The following SPATA3 variants were observed in gnomAD, a reference collection of about 807,000 sequenced individuals.
SPATA3 encodes the protein spermatogenesis-associated protein 3.
A neutral mutation model predicts 5.7 loss-of-function variants in SPATA3; 6 were observed. The observed-to-expected ratio is 1.06, with a 90% CI of 0.58 to 2.09. The LOEUF (loss-of-function observed/expected upper bound fraction) is 2.09. Ranked by LOEUF, SPATA3 falls within the 30% of genes most tolerant of loss-of-function variation. The pLI is 0.00. For synonymous variants in SPATA3, 44 were observed against 48.4 expected, an observed-to-expected ratio of 0.91 and a Z score of 0.37; for missense variants, 155 against 130.4, an observed-to-expected ratio of 1.19 and a Z score of -0.92.
At chr2:231,015,738 C>T (rs1357296831) in intron 6 of SPATA3, among the ~76,000 whole-genome samples, 1 of 152,252 alleles carries the variant, frequency 6.6e-6, no homozygotes, top group Non-Finnish European at 1.5e-5. Context: ...TTCTCTTCTT[C>T]CCCTTGCATT....
intron 4 of SPATA3, chr2:231,012,579 G>A (rs1417988335): frequency 2.0e-5 from 3 of 152,314 alleles, no homozygotes; most frequent in African/African-American, 7.2e-5. Flanking sequence ...TCCATTCTGT[G>A]TGTCTGGTAG....
chr2:231,015,433 G>T (rs916406518), intron 6 of SPATA3, among the ~76,000 whole-genome samples: 1 of 152,130 alleles, frequency 6.6e-6, no homozygotes, highest in African/African-American at 2.4e-5. Context: ...GGTGTGGGTG[G>T]TGAGGCATAG....
At chr2:231,008,908 C>CAG (rs1692710571), downstream of SPATA3, among the ~76,000 whole-genome samples, 1 of 152,162 alleles carries the variant, frequency 6.6e-6, no homozygotes, top group Non-Finnish European at 1.5e-5. Flanking sequence ...GCAACAGCTC[C>CAG]CAGCCTACAG....
downstream of SPATA3, among the ~76,000 whole-genome samples, chr2:231,009,727 C>A (rs977562984): frequency 2.0e-5 from 3 of 152,244 alleles, no homozygotes; most frequent in African/African-American, 7.2e-5. Flanking sequence ...GTTGACACAT[C>A]CGCTACTCTG....
downstream of SPATA3, among the ~76,000 whole-genome samples, chr2:231,012,128 G>A (rs1202539443): frequency 2.0e-5 from 3 of 152,236 alleles, no homozygotes; most frequent in Admixed American, 2.0e-4. Flanking sequence ...CCAGCGGCAA[G>A]AAGGAAAGTG....
intron 2 of SPATA3, among the ~76,000 whole-genome samples, chr2:231,000,854 C>T (rs1692328065): frequency 6.6e-6 from 1 of 152,226 alleles, no homozygotes; most frequent in Non-Finnish European, 1.5e-5. Context: ...CTCTCCCCCT[C>T]AGCCCTTCAC....
downstream of SPATA3, among the ~76,000 whole-genome samples, chr2:231,005,095 C>CA: frequency 1.8e-5 from 1 of 55,962 alleles, no homozygotes; most frequent in Non-Finnish European, 3.7e-5. Flanking sequence ...CCATCACCAT[C>CA]CTCATCACCA....
At chr2:231,015,863 A>G (rs1310543505) in intron 6 of SPATA3, among the ~76,000 whole-genome samples, 1 of 152,216 alleles carries the variant, frequency 6.6e-6, no homozygotes, top group African/African-American at 2.4e-5. Context: ...TTCTTTTCAA[A>G]CACTTTAAAG....
chr2:231,019,402 C>A (rs1365456757), intron 6 of SPATA3, among the ~76,000 whole-genome samples: 2 of 150,368 alleles, frequency 1.3e-5, no homozygotes, highest in African/African-American at 4.9e-5. Flanking sequence ...CAGCTCACTG[C>A]AAGCTCCGCC....
chr2:231,007,436 G>T (rs955332074), downstream of SPATA3, among the ~76,000 whole-genome samples: 11 of 152,128 alleles, frequency 7.2e-5, no homozygotes, highest in Admixed American at 2.6e-4. Context: ...ACAGACCCCC[G>T]GTGGAGCAGC....
At chr2:231,000,246 C>A in intron 1 of SPATA3, 120 bp from the exon 2 acceptor site, 1 of 949,894 alleles carries the variant, frequency 1.1e-6, no homozygotes, top group Non-Finnish European at 1.5e-6. Flanking sequence ...CCAGCGTTCG[C>A]CCTGGTAATC....
intron 2 of SPATA3, 127 bp from the exon 3 acceptor site, chr2:231,002,557 T>C: frequency 1.9e-6 from 1 of 527,578 alleles, no homozygotes; most frequent in South Asian, 3.5e-5. Flanking sequence ...CTAAGAGGAG[T>C]TTGGAGAGGG....
At chr2:230,997,059 G>A (rs573841167) in intron 1 of SPATA3, among the ~76,000 whole-genome samples, 34 of 152,270 alleles carry the variant, frequency 2.2e-4, no homozygotes, top group African/African-American at 8.2e-4. Flanking sequence ...TCTGTCAAGT[G>A]GAAGATGTGA....
chr2:231,010,428 C>A (rs74499407), downstream of SPATA3, among the ~76,000 whole-genome samples: 172 of 152,342 alleles, frequency 1.1e-3, 1 homozygote, highest in African/African-American at 3.9e-3. Flanking sequence ...GGGGCAAGAT[C>A]TTCTCTGGAA....
chr2:231,009,335 G>C (rs1301812431), downstream of SPATA3, among the ~76,000 whole-genome samples: 3 of 152,182 alleles, frequency 2.0e-5, no homozygotes, highest in Non-Finnish European at 2.9e-5. Context: ...ACTCCCAGCT[G>C]CCTCAAGCGG....
At chr2:231,013,263 T>C (rs892516209) in intron 5 of SPATA3, among the ~76,000 whole-genome samples, 1 of 152,138 alleles carries the variant, frequency 6.6e-6, no homozygotes, top group Non-Finnish European at 1.5e-5. Flanking sequence ...CATAGACACA[T>C]GATTTTGCAT....
intron 6 of SPATA3, among the ~76,000 whole-genome samples, chr2:231,015,073 G>C (rs578169707): frequency 6.7e-6 from 1 of 149,462 alleles, no homozygotes; most frequent in Admixed American, 6.6e-5. Flanking sequence ...ATCCTACAGG[G>C]AGTCCCAACT....
chr2:231,010,426 ATCT>A (rs1165787147), downstream of SPATA3, among the ~76,000 whole-genome samples: 1 of 152,212 alleles, frequency 6.6e-6, no homozygotes, highest in African/African-American at 2.4e-5. Flanking sequence ...ATGGGGCAAG[ATCT>A]TCTCTGGAAT....
At chr2:230,998,751 A>C (rs1248621293) in intron 1 of SPATA3, among the ~76,000 whole-genome samples, 1 of 152,234 alleles carries the variant, frequency 6.6e-6, no homozygotes, top group East Asian at 1.9e-4. Context: ...GATGTAGAGA[A>C]GCTGGAATCC....
Sources: allele counts gnomAD v4.1 joint callset (sites outside exome capture counted in the v4.1 genomes callset), GRCh38; gene constraint gnomAD v4.1.1; transcripts MANE v1.5; gene names NCBI Gene and HGNC (gene_info 2026-07-23, HGNC 2026-07-21).